Variants in SESN1 observed in about 807,000 individuals in gnomAD.
The protein encoded by SESN1 is sestrin 1.
A neutral mutation model predicts 59.3 loss-of-function variants in SESN1; 30 were observed. The observed-to-expected ratio is 0.51, with a 90% CI of 0.38 to 0.69. The LOEUF (loss-of-function observed/expected upper bound fraction) is 0.69. SESN1 is among the 30% of genes least tolerant of loss of function. The pLI, the probability that SESN1 is intolerant of heterozygous loss-of-function variation, is 0.00. For missense variants in SESN1, 566 were observed against 673.0 expected, an observed-to-expected ratio of 0.84 and a Z score of 1.76; for synonymous variants, 197 against 219.9, an observed-to-expected ratio of 0.90 and a Z score of 0.92.
chr6:109,004,596 A>G (rs886554608), intron 1 of SESN1, among the ~76,000 whole-genome samples: 1 of 151,552 alleles, frequency 6.6e-6, no homozygotes, highest in Non-Finnish European at 1.5e-5. Context: ...ACACCTGGCT[A>G]ATTTTTTGTA....
intron 1 of SESN1, among the ~76,000 whole-genome samples, chr6:109,022,710 G>T (rs1780031987): frequency 6.6e-6 from 1 of 151,888 alleles, no homozygotes; most frequent in South Asian, 2.1e-4. Context: ...CACCATGCCT[G>T]GCCGTTCTAA....
chr6:109,000,645 A>G lies in SESN1; in HGVS notation c.575T>C (p.Leu192Ser). 1 of 1,608,612 alleles carries G rather than the reference A, an allele frequency of 6.2e-7. No homozygotes were observed. Among genetic ancestry groups the G allele is most frequent in the East Asian group, 2.2e-5 (1 of 44,750 alleles). ...MAAARHQCSYLVNLHVNDFLH... is the reference protein window; with the variant it reads ...MAAARHQCSYSVNLHVNDFLH... ...GAAATCATTTACATGCAGGTTCACT[A>G]AGTAGGAGCACTGATGTCTTGCCGC... The change falls in exon 4 of 10, where the codon TTA (leucine) becomes TCA (serine). Residue 192 changes from leucine (L) to serine (S), a missense_variant. Leu to Ser is a moderately radical substitution (Grantham distance 145, BLOSUM62 -2). Transcript: ENST00000436639.
chr6:109,069,253 G>GT (rs995234613), intron 1 of SESN1, among the ~76,000 whole-genome samples: 1 of 151,328 alleles, frequency 6.6e-6, no homozygotes, highest in Non-Finnish European at 1.5e-5. Context: ...TATTTGATAG[G>GT]TTTAAAAAAA....
rs1454821000 is a variant in SESN1 at position 108,984,497 on chromosome 6, C to T, written c.*3047G>A. Reference sequence around the variant, plus strand: ...ACTAATCCCATTCATGAGAGCAGAGCCCTCTTGATCTTATCACCTCCCAAA... The same window carrying T: ...ACTAATCCCATTCATGAGAGCAGAGTCCTCTTGATCTTATCACCTCCCAAA... On this transcript the variant is annotated 3_prime_UTR_variant, in exon 10 of 10. Coordinates refer to ENST00000436639, the MANE Select transcript of SESN1 (RefSeq NM_014454.3). Among the ~76,000 whole-genome samples the T allele has an allele frequency of 1.3e-5, 2 of 152,048 alleles. No homozygotes were observed. Among genetic ancestry groups the T allele is most frequent in the African/African-American group, 4.8e-5 (2 of 41,382 alleles).
chr6:109,030,045 A>T (rs1013088524), intron 1 of SESN1, among the ~76,000 whole-genome samples: 6 of 152,310 alleles, frequency 3.9e-5, no homozygotes, highest in Non-Finnish European at 8.8e-5. Context: ...TATAAGTGGC[A>T]GGTAAAAATA....
intron 1 of SESN1, among the ~76,000 whole-genome samples, chr6:109,061,309 T>C (rs936300518): frequency 9.8e-5 from 15 of 152,298 alleles, no homozygotes; most frequent in Non-Finnish European, 1.6e-4. Context: ...CCAAAAAATT[T>C]TTTTCAACAA....
rs1354781744 is a variant in SESN1, at chr6:109,094,064, C to T, written c.10G>A (p.Gly4Arg). The change falls in exon 1 of 10, where the codon GGA (glycine) becomes AGA (arginine). Residue 4 changes from glycine (G) to arginine (R), a missense_variant. Physicochemically the swap from Gly to Arg is moderately radical, Grantham distance 125 (BLOSUM62 -2). Coordinates refer to ENST00000436639, the MANE Select transcript of SESN1 (RefSeq NM_014454.3). ...CCATCCCATCTCACTTCATTCTCTC[C>T]TTCAGCCATGACAATAGTTTTTCCT... MAE[G>R]ENEVRWDGLC... is the part of the protein sequence containing the mutation. 3 of 1,612,446 alleles carry T rather than the reference C, an allele frequency of 1.9e-6. No homozygotes were observed. The South Asian group carries it at 3.3e-5, about 18-fold the overall frequency.
chr6:109,052,094 A>G (rs1244478457), intron 1 of SESN1, among the ~76,000 whole-genome samples: 1 of 152,238 alleles, frequency 6.6e-6, no homozygotes, highest in Non-Finnish European at 1.5e-5. Context: ...GATGTAGAAG[A>G]TAAGTTTCAA....
At chr6:109,052,182 T>C (rs368913710) in intron 1 of SESN1, among the ~76,000 whole-genome samples, 6 of 152,368 alleles carry the variant, frequency 3.9e-5, no homozygotes, top group Middle Eastern at 3.4e-3. Flanking sequence ...TATTTTATTA[T>C]AATCTCATCC....
At chr6:109,039,169 AAAG>A (rs199688376) in intron 1 of SESN1, among the ~76,000 whole-genome samples, 58 of 134,288 alleles carry the variant, frequency 4.3e-4, no homozygotes, top group South Asian at 3.2e-3. Context: ...GGAGGAGAAG[AAAG>A]AAGAAGAAGA....
intron 1 of SESN1, among the ~76,000 whole-genome samples, chr6:109,034,133 C>T (rs1449711190): frequency 6.6e-6 from 1 of 152,156 alleles, no homozygotes; most frequent in Non-Finnish European, 1.5e-5. Context: ...AGCTACAGTA[C>T]ATTGAACCAA....
At chr6:109,046,525 T>C (rs1416666679) in intron 1 of SESN1, among the ~76,000 whole-genome samples, 10 of 133,232 alleles carry the variant, frequency 7.5e-5, no homozygotes, top group African/African-American at 1.1e-4. Flanking sequence ...AAGTGAGGAG[T>C]GTCTCTGCCT....
At chr6:109,011,629 TTTC>T (rs1779859199) in intron 1 of SESN1, among the ~76,000 whole-genome samples, 1 of 149,516 alleles carries the variant, frequency 6.7e-6, no homozygotes, top group South Asian at 2.1e-4. Flanking sequence ...TAAAATTTTT[TTTC>T]TTTTTTTTTT....
chr6:109,015,053 T>C (rs531670113), intron 1 of SESN1, among the ~76,000 whole-genome samples: 1 of 152,310 alleles, frequency 6.6e-6, no homozygotes, highest in South Asian at 2.1e-4. Flanking sequence ...GAATGAACTC[T>C]GAAGAGATGT....
At chr6:109,032,041 C>T (rs1780187327) in intron 1 of SESN1, among the ~76,000 whole-genome samples, 1 of 152,024 alleles carries the variant, frequency 6.6e-6, no homozygotes, top group African/African-American at 2.4e-5. Flanking sequence ...GTGGAATTTT[C>T]CGCGGATCAC....
In SESN1 at chr6:108,998,497, G is replaced by A. The variant is rs371427815; in HGVS notation, c.972+16C>T. 1.3e-5 allele frequency: 21 copies of A among 1,612,588 alleles called. No individual in the cohort carries two copies. The highest frequency in any genetic ancestry group is 1.7e-5 in the Non-Finnish European group (20 of 1,179,046). On this transcript the variant is annotated intron_variant, in intron 5 of 9. Transcript: ENST00000436639. ...GTGATTAGTTTTATGACAATCTCAT[G>A]ACAAATAATACTTACAGAAACATTT...
intron 1 of SESN1, among the ~76,000 whole-genome samples, chr6:109,038,015 G>A (rs1406653548): frequency 6.6e-6 from 1 of 152,150 alleles, no homozygotes; most frequent in Admixed American, 6.6e-5. Flanking sequence ...GGCATTTAAG[G>A]TCAAAATCAT....
At chr6:109,051,410 C>CA (rs1780539903) in intron 1 of SESN1, among the ~76,000 whole-genome samples, 1 of 152,192 alleles carries the variant, frequency 6.6e-6, no homozygotes, top group Admixed American at 6.5e-5. Context: ...GAACAAACTG[C>CA]AACATTGTAT....
intron 1 of SESN1, among the ~76,000 whole-genome samples, chr6:109,019,372 G>C (rs957957361): frequency 6.6e-6 from 1 of 152,182 alleles, no homozygotes; most frequent in African/African-American, 2.4e-5. Flanking sequence ...GCAGAGTGCT[G>C]GGGGAATCTA....
Sources: allele counts gnomAD v4.1 joint callset (sites outside exome capture counted in the v4.1 genomes callset), GRCh38; gene constraint gnomAD v4.1.1; transcripts MANE v1.5; gene names NCBI Gene and HGNC (gene_info 2026-07-23, HGNC 2026-07-21).